The following KCNAB1 variants were observed in gnomAD, a reference collection of about 807,000 sequenced individuals.
The protein encoded by KCNAB1 is potassium voltage-gated channel subfamily A regulatory beta subunit 1.
KCNAB1 carries 35 observed loss-of-function variants against 64.6 expected under a neutral mutation model. That is an observed-to-expected ratio of 0.54 (90% confidence interval 0.41 to 0.72). The LOEUF (loss-of-function observed/expected upper bound fraction) is 0.72. Ranked by LOEUF, KCNAB1 falls within the 30% of genes least tolerant of loss-of-function variation. The pLI, the probability that KCNAB1 is intolerant of heterozygous loss-of-function variation, is 0.00. For synonymous variants in KCNAB1, 177 were observed against 183.8 expected, an observed-to-expected ratio of 0.96 and a Z score of 0.30; for missense variants, 401 against 512.9, an observed-to-expected ratio of 0.78 and a Z score of 2.11.
chr3:156,327,668 G>A (rs1030398601), intron 1 of KCNAB1, among the ~76,000 whole-genome samples: 5 of 152,122 alleles, frequency 3.3e-5, no homozygotes, highest in African/African-American at 1.2e-4. Flanking sequence ...GAATATCTAG[G>A]CTTATGGGAT....
chr3:156,283,438 T>C (rs1268695328), intron 1 of KCNAB1, among the ~76,000 whole-genome samples: 96 of 149,684 alleles, frequency 6.4e-4, no homozygotes, highest in Non-Finnish European at 1.1e-3. Flanking sequence ...CTGACAATTA[T>C]GTGTCTTGGA....
intron 1 of KCNAB1, among the ~76,000 whole-genome samples, chr3:156,275,783 T>A (rs1719304095): frequency 6.6e-6 from 1 of 152,228 alleles, no homozygotes. Context: ...CCACTATTAA[T>A]TCCAGTTTTC....
chr3:156,294,743 A>C (rs1720672980), intron 1 of KCNAB1, among the ~76,000 whole-genome samples: 1 of 152,192 alleles, frequency 6.6e-6, no homozygotes, highest in South Asian at 2.1e-4. Context: ...TCACAATTTC[A>C]TCCTTGAAAA....
chr3:156,312,581 G>A (rs568184176), intron 1 of KCNAB1, among the ~76,000 whole-genome samples: 2 of 151,826 alleles, frequency 1.3e-5, no homozygotes, highest in East Asian at 3.9e-4. Flanking sequence ...GTGTGGTGGT[G>A]CTTGCCTGTA....
At chr3:156,371,233 G>A (rs773200690) in intron 1 of KCNAB1, among the ~76,000 whole-genome samples, 7 of 152,186 alleles carry the variant, frequency 4.6e-5, no homozygotes, top group Non-Finnish European at 8.8e-5. Flanking sequence ...AGAGAACAGT[G>A]TGGGCTTGGG....
intron 2 of KCNAB1, among the ~76,000 whole-genome samples, chr3:156,447,679 G>A (rs74681911): frequency 6.6e-6 from 1 of 152,092 alleles, no homozygotes; most frequent in Non-Finnish European, 1.5e-5. Context: ...ATGAAAGACA[G>A]GGAAAGACTG....
At chr3:156,222,354 G>A (rs141101589) in intron 1 of KCNAB1, among the ~76,000 whole-genome samples, 1 of 152,086 alleles carries the variant, frequency 6.6e-6, no homozygotes, top group African/African-American at 2.4e-5. Flanking sequence ...AATGATAAAA[G>A]AACTAGTCCA....
chr3:156,252,129 C>T (rs1318904322), intron 1 of KCNAB1, among the ~76,000 whole-genome samples: 1 of 152,202 alleles, frequency 6.6e-6, no homozygotes, highest in Non-Finnish European at 1.5e-5. Context: ...AAGCACCTGG[C>T]TCCCCCTGAC....
intron 1 of KCNAB1, among the ~76,000 whole-genome samples, chr3:156,233,263 A>G (rs1716642029): frequency 6.6e-6 from 1 of 152,154 alleles, no homozygotes; most frequent in South Asian, 2.1e-4. Context: ...TGCCAAGAAG[A>G]AGAAAAATAA....
chr3:156,448,042 T>C (rs1711712396), intron 2 of KCNAB1, among the ~76,000 whole-genome samples: 1 of 152,246 alleles, frequency 6.6e-6, no homozygotes, highest in South Asian at 2.1e-4. Flanking sequence ...TTCTTCTTTT[T>C]ACCTTTCATC....
intron 6 of KCNAB1, among the ~76,000 whole-genome samples, 197 bp from the exon 7 acceptor site, chr3:156,465,446 G>C (rs1198017230): frequency 6.6e-6 from 1 of 152,132 alleles, no homozygotes; most frequent in Non-Finnish European, 1.5e-5. Flanking sequence ...GGTGACAGTC[G>C]TGGATGATTC....
intron 1 of KCNAB1, among the ~76,000 whole-genome samples, chr3:156,268,600 A>G (rs1207743281): frequency 3.3e-5 from 5 of 151,992 alleles, no homozygotes; most frequent in Non-Finnish European, 7.4e-5. Flanking sequence ...TGTTGTTTTG[A>G]TTTGCATTTC....
intron 5 of KCNAB1, among the ~76,000 whole-genome samples, chr3:156,461,029 G>A (rs1271069434): frequency 2.6e-5 from 4 of 152,112 alleles, no homozygotes; most frequent in African/African-American, 9.7e-5. Flanking sequence ...GGAACTGTAA[G>A]GATGTTAATA....
At chr3:156,356,191 A>G (rs1372772545) in intron 1 of KCNAB1, among the ~76,000 whole-genome samples, 1 of 151,814 alleles carries the variant, frequency 6.6e-6, no homozygotes, top group Non-Finnish European at 1.5e-5. Context: ...AAAAAGAAAG[A>G]AAGAAAGAAA....
intron 1 of KCNAB1, among the ~76,000 whole-genome samples, chr3:156,263,199 T>TCTTAAGGTGACAG: frequency 6.6e-6 from 1 of 152,074 alleles, no homozygotes; most frequent in Non-Finnish European, 1.5e-5. Context: ...TTTTTTAGTT[T>TCTTAAGGTGACAG]CTTAAGGTGA....
intron 1 of KCNAB1, among the ~76,000 whole-genome samples, chr3:156,124,760 A>G (rs1235454538): frequency 1.3e-5 from 2 of 152,082 alleles, no homozygotes; most frequent in Non-Finnish European, 2.9e-5. Context: ...ATTGAGTTTT[A>G]TAGTTCAACA....
At chr3:156,384,480 C>A (rs574231252) in intron 1 of KCNAB1, among the ~76,000 whole-genome samples, 107 of 152,282 alleles carry the variant, frequency 7.0e-4, no homozygotes, top group Non-Finnish European at 1.5e-3. Context: ...GTTCTAGAAA[C>A]AACTTGCTCT....
At chr3:156,144,646 C>T (rs1030254926) in intron 1 of KCNAB1, among the ~76,000 whole-genome samples, 7 of 152,138 alleles carry the variant, frequency 4.6e-5, no homozygotes, top group South Asian at 2.1e-4. Flanking sequence ...TCTCTGTCCC[C>T]CCACGTTTTC....
chr3:156,271,080 T>C (rs764353953), intron 1 of KCNAB1, among the ~76,000 whole-genome samples: 22 of 152,328 alleles, frequency 1.4e-4, no homozygotes, highest in Middle Eastern at 3.4e-3. Flanking sequence ...TTATATGTTA[T>C]TTGTTTCTTT....
Sources: allele counts gnomAD v4.1 joint callset (sites outside exome capture counted in the v4.1 genomes callset), GRCh38; gene constraint gnomAD v4.1.1; transcripts MANE v1.5; gene names NCBI Gene and HGNC (gene_info 2026-07-23, HGNC 2026-07-21).